EXOC6B: variants seen among roughly 807,000 people sequenced by gnomAD.
EXOC6B encodes SEC15 homolog B.
Under a neutral mutation model 113.5 loss-of-function variants are expected in EXOC6B, and 54 were observed. The ratio of observed to expected loss-of-function variants is 0.48; its 90% CI spans 0.38 to 0.60. The LOEUF (loss-of-function observed/expected upper bound fraction) is 0.60. Ranked by LOEUF, EXOC6B falls within the 20% of genes least tolerant of loss-of-function variation. The probability of loss-of-function intolerance (pLI) is 0.00; values close to 1 mark genes in which losing one functional copy is unlikely to be tolerated. For missense variants in EXOC6B, 797 were observed against 977.5 expected (o/e 0.82, Z 2.46); for synonymous variants, 357 against 339.0 (o/e 1.05, Z -0.58).
chr2:72,496,619 A>C, intron 13 of EXOC6B, 60 bp from the exon 14 acceptor site: 1 of 699,990 alleles, frequency 1.4e-6, no homozygotes, highest in East Asian at 3.5e-5. Flanking sequence ...GGGGTAGGGG[A>C]GGGGAACAGA....
chr2:72,687,914 AT>A (rs2104575306), intron 6 of EXOC6B, among the ~76,000 whole-genome samples: 1 of 152,292 alleles, frequency 6.6e-6, no homozygotes, highest in African/African-American at 2.4e-5. Context: ...GATATCCCCA[AT>A]CTTCCCTCCC....
chr2:72,518,122 A>G (rs1216012457), intron 8 of EXOC6B, among the ~76,000 whole-genome samples: 3 of 152,210 alleles, frequency 2.0e-5, no homozygotes, highest in Non-Finnish European at 4.4e-5. Flanking sequence ...GTGCCTGTCT[A>G]TTCACAGAGA....
chr2:72,353,908 AG>A (rs1689818830), intron 19 of EXOC6B, among the ~76,000 whole-genome samples: 1 of 152,232 alleles, frequency 6.6e-6, no homozygotes, highest in Non-Finnish European at 1.5e-5. Context: ...CTTAAGGTGT[AG>A]CTCTCAAAGT....
intron 6 of EXOC6B, among the ~76,000 whole-genome samples, chr2:72,642,421 G>C (rs545811753): frequency 4.5e-4 from 64 of 142,756 alleles, no homozygotes; most frequent in Middle Eastern, 3.6e-3. Context: ...CAGAGATATA[G>C]ATCAATGGAA....
At chr2:72,245,221 G>A (rs1048069359) in intron 20 of EXOC6B, among the ~76,000 whole-genome samples, 2 of 152,152 alleles carry the variant, frequency 1.3e-5, no homozygotes, top group African/African-American at 4.8e-5. Context: ...GACACTACCT[G>A]TTTCTAAAAC....
At chr2:72,662,360 C>T (rs772995708) in intron 6 of EXOC6B, among the ~76,000 whole-genome samples, 17 of 152,036 alleles carry the variant, frequency 1.1e-4, no homozygotes, top group Non-Finnish European at 1.5e-4. Context: ...ACAAAAGACA[C>T]GGTTAAAAAG....
At chr2:72,765,597 C>T (rs1273516960) in intron 1 of EXOC6B, among the ~76,000 whole-genome samples, 3 of 151,998 alleles carry the variant, frequency 2.0e-5, no homozygotes, top group Admixed American at 6.5e-5. Flanking sequence ...CACTTGAACC[C>T]GGGAGGTGGA....
chr2:72,695,798 C>G (rs1481977465), intron 6 of EXOC6B, among the ~76,000 whole-genome samples: 1 of 152,164 alleles, frequency 6.6e-6, no homozygotes, highest in Non-Finnish European at 1.5e-5. Flanking sequence ...CATTTACTAA[C>G]CATTTCTGAA....
At chr2:72,807,601 C>T (rs1334754654) in intron 1 of EXOC6B, among the ~76,000 whole-genome samples, 1 of 152,114 alleles carries the variant, frequency 6.6e-6, no homozygotes, top group Non-Finnish European at 1.5e-5. Context: ...CCTAAGTGTC[C>T]ATCAACAGAT....
intron 20 of EXOC6B, among the ~76,000 whole-genome samples, chr2:72,248,859 G>C (rs1682832544): frequency 6.6e-6 from 1 of 152,168 alleles, no homozygotes; most frequent in Admixed American, 6.5e-5. Flanking sequence ...CCAGAAATCT[G>C]GGTGAATTGA....
rs895101388 is a variant in EXOC6B, at chr2:72,413,382, CT to C, written c.1981-33513del. Among the ~76,000 whole-genome samples, 37 of 146,286 alleles carry C rather than the reference CT, an allele frequency of 2.5e-4. 1 individual carries two copies. Among genetic ancestry groups the C allele is most frequent in the African/African-American group, 3.7e-4 (15 of 40,132 alleles). On this transcript the variant is annotated intron_variant, in intron 18 of 21. Transcript: ENST00000272427. ...TCTGGTATAGGGCCTGAAATTTTGC[CT>C]TTTTTTTTTAAGAGATGGGGTCGGC...
intron 1 of EXOC6B, among the ~76,000 whole-genome samples, chr2:72,773,215 C>T (rs919462543): frequency 1.3e-5 from 2 of 148,622 alleles, no homozygotes; most frequent in African/African-American, 2.5e-5. Flanking sequence ...CAGCCTCAAC[C>T]TCCCAGGCTC....
intron 6 of EXOC6B, among the ~76,000 whole-genome samples, chr2:72,595,537 T>A (rs1670033181): frequency 6.6e-6 from 1 of 151,728 alleles, no homozygotes. Flanking sequence ...CATGCTTTTA[T>A]AAAGTAATAT....
In EXOC6B at chr2:72,611,220, C is replaced by T. The variant is rs1197753880; in HGVS notation, c.670-35552G>A. Among the ~76,000 whole-genome samples, 7 of 151,824 alleles carry T rather than the reference C, an allele frequency of 4.6e-5. No homozygotes were observed. The South Asian group carries it at 6.2e-4, about 14-fold the overall frequency. Reference sequence around the variant, plus strand: ...CTACTAAAAAATACAAAAAATTAGCCGGGCATGGTGGCACATGCCTATAAT... The same window carrying T: ...CTACTAAAAAATACAAAAAATTAGCTGGGCATGGTGGCACATGCCTATAAT... On this transcript the variant is annotated intron_variant, in intron 6 of 21. Transcript: ENST00000272427.
rs115426707 is a variant in EXOC6B at position 72,475,111 on chromosome 2, C to T, written c.1800+5505G>A. ...CTGGGGACTGTAACACCAGGTAGGT[C>T]GGTCTTTGAGCCCCAGTGGTGGCAG... On this transcript the variant is annotated intron_variant, in intron 17 of 21. Coordinates refer to ENST00000272427, the MANE Select transcript of EXOC6B (RefSeq NM_015189.3). 5.4e-3 allele frequency among the ~76,000 whole-genome samples: 821 copies of T among 152,168 alleles called. 8 individuals carry two copies. The highest frequency in any genetic ancestry group is 0.019 in the African/African-American group (779 of 41,502).
intron 20 of EXOC6B, among the ~76,000 whole-genome samples, chr2:72,277,872 C>T (rs1173222847): frequency 2.6e-5 from 4 of 151,990 alleles, no homozygotes; most frequent in African/African-American, 9.7e-5. Flanking sequence ...AAATTATCAT[C>T]TCCATTCTGT....
At chr2:72,373,070 T>TC in intron 19 of EXOC6B, among the ~76,000 whole-genome samples, 1 of 151,032 alleles carries the variant, frequency 6.6e-6, no homozygotes, top group South Asian at 2.1e-4. Flanking sequence ...AAGACTTTTT[T>TC]TTTTTTTTTT....
At chr2:72,205,054 C>A (rs542739113) in intron 20 of EXOC6B, among the ~76,000 whole-genome samples, 41 of 152,108 alleles carry the variant, frequency 2.7e-4, no homozygotes, top group Admixed American at 7.9e-4. Context: ...GGTCCTTGCT[C>A]CTGGCTTCTC....
intron 1 of EXOC6B, among the ~76,000 whole-genome samples, chr2:72,743,954 A>G (rs1053372781): frequency 2.0e-5 from 3 of 152,180 alleles, no homozygotes; most frequent in Admixed American, 6.5e-5. Context: ...GATGGACCAC[A>G]TATATAATGG....
Sources: gnomAD v4.1 joint callset for allele counts (sites outside exome capture counted in the v4.1 genomes callset) on GRCh38, gnomAD v4.1.1 for gene constraint, MANE v1.5 for transcripts, NCBI Gene and HGNC (gene_info 2026-07-23, HGNC 2026-07-21) for gene names.